The following UBE2G1 variants were observed in gnomAD, a reference collection of about 807,000 sequenced individuals.
UBE2G1 encodes the protein ubiquitin-conjugating enzyme E2 G1.
In UBE2G1, 5 loss-of-function variants were observed where a neutral mutation model predicts 22.7. That is an observed-to-expected ratio of 0.22 (90% confidence interval 0.12 to 0.46). The LOEUF is 0.46. Among genes scored for constraint, UBE2G1 ranks in the 20% least tolerant of loss-of-function variants. The pLI is 0.99. For missense variants in UBE2G1, 88 were observed against 203.9 expected (o/e 0.43, Z 3.46); for synonymous variants, 74 against 67.5 (o/e 1.10, Z -0.47).
intron 1 of UBE2G1, chr17:4,364,496 G>C (rs1389415524): frequency 6.6e-6 from 1 of 150,616 alleles, no homozygotes; most frequent in Admixed American, 6.6e-5. Context: ...CCCCGTGTTA[G>C]CCAGGATGGT....
At chr17:4,318,040 T>A (rs987950728) in intron 1 of UBE2G1, among the ~76,000 whole-genome samples, 1 of 152,230 alleles carries the variant, frequency 6.6e-6, no homozygotes, top group African/African-American at 2.4e-5. Context: ...TATGTATTAC[T>A]AGCCTGGGCA....
rs769636046 is a variant in UBE2G1, at chr17:4,329,065, A to AC, written c.47-21943_47-21942insG. Among the ~76,000 whole-genome samples, 13 of 142,456 alleles carry AC rather than the reference A, an allele frequency of 9.1e-5. No homozygotes were observed. In the East Asian group the frequency reaches 1.1e-3, roughly 12 times the overall value. 93.5% of individuals were successfully genotyped at this position (142,456 alleles called of 152,430 possible). A position where few individuals can be genotyped will look rare whatever the true frequency, so the allele number is the denominator to read the frequency against. ...AGCTTCAGTGAGCAGAGATCGCGCC[A>AC]TGCACTCCAGCCTGGGTGACAGAGA... On this transcript the variant is annotated intron_variant, in intron 1 of 5. Transcript: ENST00000396981.
chr17:4,324,553 A>C (rs540325554), intron 1 of UBE2G1, among the ~76,000 whole-genome samples: 11 of 152,216 alleles, frequency 7.2e-5, no homozygotes, highest in African/African-American at 2.6e-4. Context: ...TTTGCAGGAA[A>C]TCTAGGGGAT....
chr17:4,270,125 G>C lies in UBE2G1; in HGVS notation c.*2429C>G, dbSNP rs193279738. 6.6e-6 allele frequency: 1 copy of C among 152,362 alleles called. No homozygotes were observed. Among genetic ancestry groups the C allele is most frequent in the Non-Finnish European group, 1.5e-5 (1 of 67,970 alleles). The allele number at this position is 152,362 out of a possible 1,614,324, so 9.4% of individuals were successfully genotyped here. A position where few individuals can be genotyped will look rare whatever the true frequency, so the allele number is the denominator to read the frequency against. ...ATGCCTGGCTCTCACTTCCACTCCC[G>C]TAGAGCTAGCCCTAAAAAAAAAACC... On this transcript the variant is annotated 3_prime_UTR_variant, in exon 6 of 6. Transcript: ENST00000396981.
intron 3 of UBE2G1, among the ~76,000 whole-genome samples, 173 bp downstream of exon 3, chr17:4,296,544 G>A (rs1259315670): frequency 6.6e-6 from 1 of 152,186 alleles, no homozygotes; most frequent in East Asian, 1.9e-4. Context: ...GTGAGCCACT[G>A]CACCTGGCCT....
At chr17:4,308,615 G>A (rs1231656374) in intron 1 of UBE2G1, among the ~76,000 whole-genome samples, 1 of 152,204 alleles carries the variant, frequency 6.6e-6, no homozygotes, top group African/African-American at 2.4e-5. Context: ...GTGAATGCAT[G>A]TATCAATCAC....
At chr17:4,287,625 G>C (rs1051838253) in intron 4 of UBE2G1, among the ~76,000 whole-genome samples, 2 of 152,004 alleles carry the variant, frequency 1.3e-5, no homozygotes, top group Non-Finnish European at 2.9e-5. Flanking sequence ...GCTTTCAAAG[G>C]GAGTTATCTA....
At chr17:4,282,456 G>A (rs536212227) in intron 5 of UBE2G1, among the ~76,000 whole-genome samples, 1 of 152,308 alleles carries the variant, frequency 6.6e-6, no homozygotes, top group East Asian at 1.9e-4. Context: ...AGTATATGAA[G>A]ATACATTAGT....
intron 1 of UBE2G1, among the ~76,000 whole-genome samples, chr17:4,346,831 C>G (rs915947441): frequency 6.6e-6 from 1 of 151,906 alleles, no homozygotes; most frequent in African/African-American, 2.4e-5. Context: ...CTATATATGC[C>G]CAGTATTGTG....
At chr17:4,349,925 G>A (rs929080533) in intron 1 of UBE2G1, among the ~76,000 whole-genome samples, 2 of 151,838 alleles carry the variant, frequency 1.3e-5, no homozygotes, top group African/African-American at 4.8e-5. Flanking sequence ...TACCCAAAAT[G>A]AGTTTCAAAG....
intron 1 of UBE2G1, among the ~76,000 whole-genome samples, chr17:4,310,611 G>A (rs1969298716): frequency 6.6e-6 from 1 of 152,174 alleles, no homozygotes; most frequent in African/African-American, 2.4e-5. Flanking sequence ...AGCCCTGCAT[G>A]CTTGGACTTT....
intron 1 of UBE2G1, among the ~76,000 whole-genome samples, chr17:4,341,843 C>T (rs1969716550): frequency 1.3e-5 from 2 of 152,160 alleles, no homozygotes; most frequent in Admixed American, 1.3e-4. Context: ...TCTCTCTTCC[C>T]TTGAAGCTTT....
At chr17:4,357,553 T>C (rs992111531) in intron 1 of UBE2G1, among the ~76,000 whole-genome samples, 4 of 149,574 alleles carry the variant, frequency 2.7e-5, no homozygotes, top group Non-Finnish European at 4.4e-5. Context: ...TTTATCACAT[T>C]TGCAGATGTG....
chr17:4,353,011 G>A (rs1015293369), intron 1 of UBE2G1, among the ~76,000 whole-genome samples: 3 of 152,168 alleles, frequency 2.0e-5, no homozygotes, highest in African/African-American at 7.2e-5. Flanking sequence ...GAGGTCAGGA[G>A]ATCGAGACCA....
chr17:4,286,806 C>T (rs1401037290), intron 4 of UBE2G1, among the ~76,000 whole-genome samples: 4 of 152,098 alleles, frequency 2.6e-5, no homozygotes, highest in Non-Finnish European at 4.4e-5. Flanking sequence ...CCTCAGGAGG[C>T]CAAGGCGGGC....
At chr17:4,303,562 C>T (rs1969212350) in intron 2 of UBE2G1, among the ~76,000 whole-genome samples, 1 of 136,600 alleles carries the variant, frequency 7.3e-6, no homozygotes, top group Admixed American at 7.8e-5. Flanking sequence ...AGGCAGTCCC[C>T]AAAGTCCATG....
chr17:4,307,564 T>A (rs1969261950), intron 1 of UBE2G1, among the ~76,000 whole-genome samples: 1 of 152,244 alleles, frequency 6.6e-6, no homozygotes, highest in African/African-American at 2.4e-5. Flanking sequence ...TTAATAACTT[T>A]CATTTATACT....
intron 4 of UBE2G1, among the ~76,000 whole-genome samples, chr17:4,288,625 T>C (rs1350201773): frequency 6.6e-6 from 1 of 152,190 alleles, no homozygotes; most frequent in Non-Finnish European, 1.5e-5. Flanking sequence ...CGACAAGCCA[T>C]TTTAAGCTGA....
chr17:4,316,008 G>A (rs1188054486), intron 1 of UBE2G1, among the ~76,000 whole-genome samples: 1 of 151,544 alleles, frequency 6.6e-6, no homozygotes, highest in Non-Finnish European at 1.5e-5. Context: ...GTAGAGACGG[G>A]GTTTCACCGT....
Sources: gnomAD v4.1 joint callset for allele counts (sites outside exome capture counted in the v4.1 genomes callset) on GRCh38, gnomAD v4.1.1 for gene constraint, MANE v1.5 for transcripts, NCBI Gene and HGNC (gene_info 2026-07-23, HGNC 2026-07-21) for gene names.